ATPSCKMT: variants seen among roughly 807,000 people sequenced by gnomAD.
ATPSCKMT encodes ATP synthase c subunit lysine N-methyltransferase.
ATPSCKMT carries 24 observed loss-of-function variants against 24.3 expected under a neutral mutation model. The ratio of observed to expected loss-of-function variants is 0.99; its 90% CI spans 0.71 to 1.39. ATPSCKMT has a LOEUF of 1.39. Ranked by LOEUF, ATPSCKMT falls within the 40% of genes most tolerant of loss-of-function variation. ATPSCKMT has a pLI of 0.00. For missense variants in ATPSCKMT, 311 were observed against 298.4 expected (o/e 1.04, Z -0.31); for synonymous variants, 95 against 110.5 (o/e 0.86, Z 0.88).
rs988527019 is a variant in ATPSCKMT at position 10,234,154 on chromosome 5, C to CA, written c.495+1056_495+1057insT. Reference sequence around the variant, plus strand: ...ACCAGCCTGGCCAACATGGCAAAACCCCACCTCTACTAAAAATATAAAAAT... The same window carrying CA: ...ACCAGCCTGGCCAACATGGCAAAACCACCACCTCTACTAAAAATATAAAAAT... On this transcript the variant is annotated intron_variant, in intron 4 of 4. Transcript: ENST00000511437. 1.2e-3 allele frequency among the ~76,000 whole-genome samples: 182 copies of CA among 152,136 alleles called. 1 individual carries two copies. The highest frequency in any genetic ancestry group is 4.2e-3 in the African/African-American group (173 of 41,494).
intron 4 of ATPSCKMT, among the ~76,000 whole-genome samples, chr5:10,230,532 T>C (rs1032620736): frequency 6.6e-6 from 1 of 152,190 alleles, no homozygotes; most frequent in Non-Finnish European, 1.5e-5. Context: ...AAATTACACA[T>C]AAATATGCAA....
At chr5:10,242,502 CT>C (rs1744690988) in intron 1 of ATPSCKMT, among the ~76,000 whole-genome samples, 1 of 152,224 alleles carries the variant, frequency 6.6e-6, no homozygotes, top group Non-Finnish European at 1.5e-5. Flanking sequence ...TCCACCACAT[CT>C]GCAGTTACTT....
intron 2 of ATPSCKMT, among the ~76,000 whole-genome samples, chr5:10,237,324 C>A (rs1744420818): frequency 6.6e-6 from 1 of 152,172 alleles, no homozygotes; most frequent in African/African-American, 2.4e-5. Context: ...TCTCAGAAAC[C>A]ACAGATACTC....
chr5:10,241,964 T>A (rs1469017487), intron 1 of ATPSCKMT, among the ~76,000 whole-genome samples: 1 of 152,110 alleles, frequency 6.6e-6, no homozygotes, highest in Non-Finnish European at 1.5e-5. Flanking sequence ...CTTCGAAAAA[T>A]TTTTTTTAAT....
chr5:10,225,739 T>G lies in ATPSCKMT; in HGVS notation c.*1702A>C, dbSNP rs1743849765. 6.6e-6 allele frequency among the ~76,000 whole-genome samples: 1 copy of G among 152,042 alleles called. No homozygotes were observed. The highest frequency in any genetic ancestry group is 1.9e-4 in the East Asian group (1 of 5,180). On this transcript the variant is annotated 3_prime_UTR_variant, in exon 5 of 5. Transcript: ENST00000511437. ...AACACGTGGGAATTCAAGATGAGAT[T>G]TGGGTAGGGACACAGCCAAACCATA... is the stretch of plus-strand genomic sequence containing the variant.
intron 2 of ATPSCKMT, among the ~76,000 whole-genome samples, chr5:10,237,800 G>A (rs918932175): frequency 2.6e-5 from 4 of 151,908 alleles, no homozygotes; most frequent in Non-Finnish European, 5.9e-5. Flanking sequence ...AGGCTGGAGT[G>A]CAGTGGCGTG....
intron 1 of ATPSCKMT, among the ~76,000 whole-genome samples, chr5:10,242,414 T>C (rs1463239692): frequency 6.6e-6 from 1 of 152,258 alleles, no homozygotes; most frequent in Non-Finnish European, 1.5e-5. Flanking sequence ...AAGCAACTCC[T>C]CATCCACTGA....
intron 1 of ATPSCKMT, among the ~76,000 whole-genome samples, chr5:10,246,715 G>A (rs1261696715): frequency 6.6e-6 from 1 of 152,168 alleles, no homozygotes; most frequent in Non-Finnish European, 1.5e-5. Context: ...TTTTTCACCT[G>A]TGTAGATATG....
chr5:10,233,201 C>A (rs1223665248), intron 4 of ATPSCKMT, among the ~76,000 whole-genome samples: 11 of 152,180 alleles, frequency 7.2e-5, no homozygotes, highest in African/African-American at 2.7e-4. Context: ...GGCATGCTGG[C>A]TTTGTGGAGT....
intron 4 of ATPSCKMT, among the ~76,000 whole-genome samples, chr5:10,229,131 A>T (rs952479980): frequency 2.6e-5 from 4 of 152,184 alleles, no homozygotes; most frequent in Non-Finnish European, 5.9e-5. Context: ...ATTGTATTCC[A>T]ATATAATAAT....
Position 10,227,305 on chromosome 5 carries a change from C to T in ATPSCKMT, c.*136G>A. ...CCTGTTTTTCTTCGTTTGTTTTCTC[C>T]AACAGTTAAGGAAAGTAATAGTAAT... On this transcript the variant is annotated 3_prime_UTR_variant, in exon 5 of 5. Transcript: ENST00000511437. The T allele has an allele frequency of 1.1e-6, 1 of 900,614 alleles. No individual in the cohort carries two copies. Among genetic ancestry groups the T allele is most frequent in the Non-Finnish European group, 1.6e-6 (1 of 610,246 alleles). The allele number at this position is 900,614 out of a possible 1,614,324, so 55.8% of individuals were successfully genotyped here.
intron 1 of ATPSCKMT, chr5:10,249,577 T>A (rs1745193951): frequency 2.4e-6 from 1 of 424,404 alleles, no homozygotes; most frequent in Admixed American, 4.1e-5. Context: ...GCCTCCACTA[T>A]CCCTATTCCT....
rs1743900557 is a variant in ATPSCKMT, at chr5:10,226,793, G to A, written c.*648C>T. On this transcript the variant is annotated 3_prime_UTR_variant, in exon 5 of 5. Transcript: ENST00000511437. ...GAGATACACAGAAAGCCAAGGCTCAGAGGCAGTAAGTCATGGGTCCGAGGC... is the reference window on the plus strand; with the variant it reads ...GAGATACACAGAAAGCCAAGGCTCAAAGGCAGTAAGTCATGGGTCCGAGGC... 6.6e-6 allele frequency: 1 copy of A among 152,468 alleles called. No individual in the cohort carries two copies. The highest frequency in any genetic ancestry group is 1.5e-5 in the Non-Finnish European group (1 of 68,264). The allele number at this position is 152,468 out of a possible 1,614,324, so 9.4% of individuals were successfully genotyped here.
intron 2 of ATPSCKMT, among the ~76,000 whole-genome samples, chr5:10,238,284 T>TA (rs530952433): frequency 2.7e-3 from 395 of 146,860 alleles, no homozygotes; most frequent in African/African-American, 8.6e-3. Flanking sequence ...ATTTTATAAG[T>TA]AAAAAAAAAA....
At chr5:10,232,287 G>A (rs1162837393) in intron 4 of ATPSCKMT, among the ~76,000 whole-genome samples, 1 of 152,214 alleles carries the variant, frequency 6.6e-6, no homozygotes, top group African/African-American at 2.4e-5. Context: ...ATAGCTTTCT[G>A]GGAAAAGTAT....
intron 1 of ATPSCKMT, among the ~76,000 whole-genome samples, chr5:10,246,855 C>CA (rs1744956162): frequency 6.6e-6 from 1 of 152,190 alleles, no homozygotes; most frequent in Non-Finnish European, 1.5e-5. Flanking sequence ...TGCTATAACA[C>CA]AAACAAAACG....
At chr5:10,235,287 T>C in intron 3 of ATPSCKMT, 26 bp from the exon 4 acceptor site, 3 of 1,606,206 alleles carry the variant, frequency 1.9e-6, no homozygotes, top group Non-Finnish European at 2.6e-6. Context: ...AAATAATCAG[T>C]AGATTAAGTG....
At chr5:10,237,563 C>T (rs903508326) in intron 2 of ATPSCKMT, among the ~76,000 whole-genome samples, 2 of 152,172 alleles carry the variant, frequency 1.3e-5, no homozygotes, top group East Asian at 1.9e-4. Flanking sequence ...AGTTTCCCTG[C>T]GCAAGCTCTC....
At chr5:10,249,801 G>A (rs1745217535) in intron 1 of ATPSCKMT, 57 bp downstream of exon 1, 8 of 1,516,444 alleles carry the variant, frequency 5.3e-6, no homozygotes, top group East Asian at 4.6e-5. Flanking sequence ...CGAGCCCCCG[G>A]CCCGCCCGCA....
Sources: allele counts gnomAD v4.1 joint callset (sites outside exome capture counted in the v4.1 genomes callset), GRCh38; gene constraint gnomAD v4.1.1; transcripts MANE v1.5; gene names NCBI Gene and HGNC (gene_info 2026-07-23, HGNC 2026-07-21).